Variants in LRBA observed in about 807,000 individuals in gnomAD.
LRBA encodes the protein lipopolysaccharide-responsive and beige-like anchor protein.
Under a neutral mutation model 330.0 loss-of-function variants are expected in LRBA, and 176 were observed. The ratio of observed to expected loss-of-function variants is 0.53; its 90% CI spans 0.47 to 0.60. The LOEUF is 0.60. Ranked by LOEUF, LRBA falls within the 20% of genes least tolerant of loss-of-function variation. The pLI, the probability that LRBA is intolerant of heterozygous loss-of-function variation, is 0.00. For missense variants in LRBA, 3,259 were observed against 3,444.8 expected, an observed-to-expected ratio of 0.95 and a Z score of 1.35; for synonymous variants, 1,230 against 1,193.0, an observed-to-expected ratio of 1.03 and a Z score of -0.64.
chr4:150,836,124 A>G (rs903423986), intron 28 of LRBA, among the ~76,000 whole-genome samples: 36 of 152,236 alleles, frequency 2.4e-4, no homozygotes, highest in African/African-American at 8.7e-4. Context: ...CATATGTTGA[A>G]CCAGCCTTGC....
At position 150,741,978 on chromosome 4, in the gene LRBA, G is replaced by A. The variant is rs1192919792; in HGVS notation, c.5646-6612C>T. Among the ~76,000 whole-genome samples the A allele has an allele frequency of 5.3e-5, 8 of 151,768 alleles. No homozygotes were observed. The South Asian group carries it at 1.0e-3, about 20-fold the overall frequency. On this transcript the variant is annotated intron_variant, in intron 35 of 56. Transcript: ENST00000651943. ...AAACAAACGACCCATTCTGATTAGCGCTTTTATAACACCATTTACTTATAA... is the reference window on the plus strand; with the variant it reads ...AAACAAACGACCCATTCTGATTAGCACTTTTATAACACCATTTACTTATAA...
At chr4:150,763,825 A>T (rs1735408585) in intron 34 of LRBA, among the ~76,000 whole-genome samples, 1 of 152,000 alleles carries the variant, frequency 6.6e-6, no homozygotes, top group Admixed American at 6.6e-5. Flanking sequence ...TCAAAAAATT[A>T]TCATGGAAGG....
intron 48 of LRBA, among the ~76,000 whole-genome samples, chr4:150,340,385 G>T (rs1735359489): frequency 6.6e-6 from 1 of 152,062 alleles, no homozygotes; most frequent in East Asian, 1.9e-4. Context: ...CCAAATATAT[G>T]ACAGTATCTG....
At chr4:150,353,557 C>T (rs1409732311) in intron 47 of LRBA, among the ~76,000 whole-genome samples, 2 of 152,172 alleles carry the variant, frequency 1.3e-5, no homozygotes, top group Non-Finnish European at 2.9e-5. Context: ...TTGACTACTT[C>T]TTTATGCACA....
chr4:150,732,424 C>G (rs941250361), intron 36 of LRBA, among the ~76,000 whole-genome samples: 1 of 151,988 alleles, frequency 6.6e-6, no homozygotes, highest in Non-Finnish European at 1.5e-5. Flanking sequence ...TACAAAAGAA[C>G]AGCATTGCCC....
chr4:151,004,105 T>C (rs931378234), intron 2 of LRBA, among the ~76,000 whole-genome samples: 9 of 152,058 alleles, frequency 5.9e-5, no homozygotes, highest in African/African-American at 1.7e-4. Flanking sequence ...GGTTTGTTGA[T>C]ACAGGGTTTC....
At chr4:151,007,262 G>A (rs1744184573) in intron 2 of LRBA, among the ~76,000 whole-genome samples, 1 of 152,206 alleles carries the variant, frequency 6.6e-6, no homozygotes, top group Non-Finnish European at 1.5e-5. Flanking sequence ...AGCACCTTGG[G>A]AGGCCGAGGC....
At chr4:150,975,579 G>T (rs1160033556) in intron 2 of LRBA, among the ~76,000 whole-genome samples, 2 of 149,740 alleles carry the variant, frequency 1.3e-5, no homozygotes, top group Admixed American at 6.7e-5. Context: ...AAAAGGTAAA[G>T]AAAAATGAAA....
chr4:150,783,589 A>G (rs1319726365), intron 34 of LRBA, among the ~76,000 whole-genome samples: 2 of 152,248 alleles, frequency 1.3e-5, no homozygotes, highest in African/African-American at 4.8e-5. Context: ...AAGAATTTAC[A>G]GAAATAAATA....
intron 35 of LRBA, among the ~76,000 whole-genome samples, chr4:150,753,354 A>G (rs2126407116): frequency 6.6e-6 from 1 of 152,348 alleles, no homozygotes; most frequent in South Asian, 2.1e-4. Context: ...AGTATGGATT[A>G]ATATTTGCTG....
At chr4:150,977,244 T>TA (rs1174635322) in intron 2 of LRBA, among the ~76,000 whole-genome samples, 3 of 152,168 alleles carry the variant, frequency 2.0e-5, no homozygotes, top group African/African-American at 7.2e-5. Context: ...AGTGAAAAGT[T>TA]AAAAGGACTT....
In LRBA at chr4:150,921,230, C is replaced by A. The variant is rs1733224002; in HGVS notation, c.613G>T (p.Ala205Ser). 6 of 1,612,758 alleles carry A rather than the reference C, an allele frequency of 3.7e-6. No individual in the cohort carries two copies. Among genetic ancestry groups the A allele is most frequent in the African/African-American group, 1.3e-5 (1 of 74,846 alleles). ...KHMPQKYGPD[A>S]FFNFPGKSAA... ...CTCTTTCCTGGAAAGTTAAAAAAGG[C>A]ATCAGGACCATACTTCTGAGGCATA... The change falls in exon 5 of 57, where the codon GCC becomes TCC. Residue 205 changes from alanine to serine, a missense_variant. Physicochemically the swap from Ala to Ser is moderately conservative, Grantham distance 99. Coordinates refer to ENST00000651943, the MANE Select transcript of LRBA (RefSeq NM_001364905.1).
At chr4:150,994,518 C>G (rs544799297) in intron 2 of LRBA, among the ~76,000 whole-genome samples, 6 of 152,186 alleles carry the variant, frequency 3.9e-5, no homozygotes, top group Middle Eastern at 3.4e-3. Flanking sequence ...AAAGTAAGTC[C>G]CTACTTTTAT....
intron 35 of LRBA, among the ~76,000 whole-genome samples, chr4:150,745,653 T>C (rs940631676): frequency 3.3e-5 from 5 of 152,048 alleles, no homozygotes; most frequent in Admixed American, 6.6e-5. Context: ...GTAGCTGGGA[T>C]TACAGGCACG....
At position 150,867,874 on chromosome 4, in the gene LRBA, TGA is replaced by T. The variant is rs1208843327; in HGVS notation, c.2574-13_2574-12del. 26 of 1,595,418 alleles carry T rather than the reference TGA, an allele frequency of 1.6e-5. No individual in the cohort carries two copies. The highest frequency in any genetic ancestry group is 2.1e-5 in the Non-Finnish European group (25 of 1,170,344). ...CATTGTAGCAAGCTCCTGAAAATTA[TGA>T]GAGGGTACTAAATTACTGAAGAAAA... On this transcript the variant is annotated splice_polypyrimidine_tract_variant and intron_variant, in intron 21 of 56. Coordinates refer to ENST00000651943, the MANE Select transcript of LRBA (RefSeq NM_001364905.1).
intron 54 of LRBA, among the ~76,000 whole-genome samples, chr4:150,284,914 A>G (rs1747959584): frequency 1.3e-5 from 2 of 152,174 alleles, no homozygotes; most frequent in South Asian, 2.1e-4. Flanking sequence ...TGGCGTGCTC[A>G]CTTTTACAGT....
intron 34 of LRBA, among the ~76,000 whole-genome samples, chr4:150,777,096 G>GTTGTTGTTC (rs1395662103): frequency 6.6e-6 from 1 of 151,584 alleles, no homozygotes; most frequent in African/African-American, 2.4e-5. Context: ...TGTTGTTGTT[G>GTTGTTGTTC]TTGTTGTTGT....
At chr4:150,683,754 G>GA (rs768252598) in intron 36 of LRBA, 37 bp from the exon 37 acceptor site, 12 of 1,439,038 alleles carry the variant, frequency 8.3e-6, no homozygotes, top group South Asian at 1.4e-5. Flanking sequence ...TAAAAAATGT[G>GA]AAAAAAACCT....
At chr4:150,282,904 C>T (rs539971335) in intron 54 of LRBA, among the ~76,000 whole-genome samples, 1 of 152,326 alleles carries the variant, frequency 6.6e-6, no homozygotes, top group African/African-American at 2.4e-5. Flanking sequence ...CAGGAAGTTA[C>T]TCTATGAAAT....
Sources: gnomAD v4.1 joint callset for allele counts (sites outside exome capture counted in the v4.1 genomes callset) on GRCh38, gnomAD v4.1.1 for gene constraint, MANE v1.5 for transcripts, NCBI Gene and HGNC (gene_info 2026-07-23, HGNC 2026-07-21) for gene names.